The following PDE4D variants were observed in gnomAD, a reference collection of about 807,000 sequenced individuals.
PDE4D encodes the protein 3',5'-cyclic-AMP phosphodiesterase 4D.
In PDE4D, 24 loss-of-function variants were observed where a neutral mutation model predicts 87.4. The ratio of observed to expected loss-of-function variants is 0.27; its 90% CI spans 0.20 to 0.39. The LOEUF (loss-of-function observed/expected upper bound fraction) is 0.39, where lower values mean the gene tolerates loss of function less well. Ranked by LOEUF, PDE4D falls within the 10% of genes least tolerant of loss-of-function variation. The pLI, the probability that PDE4D is intolerant of heterozygous loss-of-function variation, is 1.00. For synonymous variants in PDE4D, 384 were observed against 383.2 expected, an observed-to-expected ratio of 1.00 and a Z score of -0.02; for missense variants, 714 against 1,041.0, an observed-to-expected ratio of 0.69 and a Z score of 4.32.
intron 1 of PDE4D, among the ~76,000 whole-genome samples, chr5:59,425,584 C>G (rs1041317897): frequency 3.9e-5 from 6 of 152,080 alleles, no homozygotes; most frequent in African/African-American, 9.7e-5. Context: ...CTCCACTCCT[C>G]TTGATAAAAG....
chr5:60,123,218 G>A (rs1271541805), intron 2 of PDE4D, among the ~76,000 whole-genome samples: 1 of 152,072 alleles, frequency 6.6e-6, no homozygotes, highest in Non-Finnish European at 1.5e-5. Flanking sequence ...TCTGCCTGTT[G>A]GGCAATTCCA....
rs183000802 is a variant in PDE4D, at chr5:59,172,106, A to T, written c.808+8489T>A. Among the ~76,000 whole-genome samples, 75 of 60,032 alleles carry T rather than the reference A, an allele frequency of 1.2e-3. 5 individuals are homozygous for T. The highest frequency in any genetic ancestry group is 6.4e-3 in the African/African-American group (68 of 10,584). The allele number at this position is 60,032 out of a possible 152,430, so 39.4% of individuals were successfully genotyped here. On this transcript the variant is annotated intron_variant, in intron 5 of 14. Coordinates refer to ENST00000340635, the MANE Select transcript of PDE4D (RefSeq NM_001104631.2). ...TATATATATAATAAATATATATTATATATATAATAAATATATATTATATAT... is the reference window on the plus strand; with the variant it reads ...TATATATATAATAAATATATATTATTTATATAATAAATATATATTATATAT...
Position 59,817,749 on chromosome 5 carries a change from C to A in PDE4D, c.455+75419G>T, listed in dbSNP as rs1364676011. On this transcript the variant is annotated intron_variant, in intron 1 of 14. Transcript: ENST00000340635. ...GCGCGCGCACACACCCACACCCCCC[C>A]CCACACACACACAGAAAGGCCATGT... Among the ~76,000 whole-genome samples, 4 of 150,906 alleles carry A rather than the reference C, an allele frequency of 2.7e-5. No homozygotes were observed. In the South Asian group the frequency reaches 6.3e-4, roughly 24 times the overall value.
At chr5:60,374,425 G>A (rs1286385540) in intron 1 of PDE4D, among the ~76,000 whole-genome samples, 1 of 152,142 alleles carries the variant, frequency 6.6e-6, no homozygotes, top group Non-Finnish European at 1.5e-5. Context: ...AAATACTGAG[G>A]AGCATATCAA....
At chr5:59,640,309 C>T (rs983466071) in intron 1 of PDE4D, among the ~76,000 whole-genome samples, 1 of 152,112 alleles carries the variant, frequency 6.6e-6, no homozygotes, top group Non-Finnish European at 1.5e-5. Context: ...AAACTTGAGC[C>T]CTGGCTTTCA....
chr5:60,077,852 G>C lies in PDE4D; in HGVS notation c.43-89135C>G, dbSNP rs568931618. Among the ~76,000 whole-genome samples, 18 of 152,250 alleles carry C rather than the reference G, an allele frequency of 1.2e-4. No individual in the cohort carries two copies. The South Asian group carries it at 3.7e-3, about 32-fold the overall frequency. Reference sequence around the variant, plus strand: ...GATTCCAGAGATCCATGCGAGAGTGGATCGCTCCTGGCCTGTTCAATTCAC... The same window carrying C: ...GATTCCAGAGATCCATGCGAGAGTGCATCGCTCCTGGCCTGTTCAATTCAC... On this transcript the variant is annotated intron_variant, in intron 2 of 16. Transcript: ENST00000502484.
chr5:59,147,193 T>G (rs1778794959), intron 5 of PDE4D, among the ~76,000 whole-genome samples: 1 of 152,214 alleles, frequency 6.6e-6, no homozygotes, highest in African/African-American at 2.4e-5. Flanking sequence ...GGACCACTGC[T>G]GTATAGCTAC....
intron 1 of PDE4D, among the ~76,000 whole-genome samples, chr5:59,471,787 G>T (rs973821618): frequency 6.6e-6 from 1 of 152,272 alleles, no homozygotes; most frequent in Non-Finnish European, 1.5e-5. Flanking sequence ...ATAGAGTGTT[G>T]TCTTTTTGTT....
chr5:59,401,953 G>A (rs536509156), intron 1 of PDE4D, among the ~76,000 whole-genome samples: 2 of 152,296 alleles, frequency 1.3e-5, no homozygotes, highest in South Asian at 4.1e-4. Context: ...AAACTGAGGT[G>A]CCCTCACAAC....
chr5:59,875,932 G>A (rs1468672438), intron 1 of PDE4D, among the ~76,000 whole-genome samples: 1 of 152,112 alleles, frequency 6.6e-6, no homozygotes, highest in Non-Finnish European at 1.5e-5. Flanking sequence ...GCACATAGAG[G>A]GGAATGGCAC....
chr5:59,546,466 C>G (rs796182227), intron 1 of PDE4D, among the ~76,000 whole-genome samples: 2 of 151,774 alleles, frequency 1.3e-5, no homozygotes, highest in South Asian at 4.2e-4. Flanking sequence ...TCTAATCTCA[C>G]GAAAAATATG....
intron 1 of PDE4D, among the ~76,000 whole-genome samples, chr5:59,795,760 A>G (rs1181882364): frequency 1.3e-5 from 2 of 152,224 alleles, no homozygotes; most frequent in East Asian, 3.9e-4. Flanking sequence ...CCCTGCAAAA[A>G]TAGGCTGAAG....
intron 4 of PDE4D, among the ~76,000 whole-genome samples, chr5:59,183,206 C>A (rs1296438142): frequency 6.6e-6 from 1 of 152,158 alleles, no homozygotes; most frequent in Non-Finnish European, 1.5e-5. Flanking sequence ...AATGGAGGCA[C>A]AAATTTGCAT....
At chr5:59,563,704 G>C (rs917188470) in intron 1 of PDE4D, among the ~76,000 whole-genome samples, 1 of 152,208 alleles carries the variant, frequency 6.6e-6, no homozygotes, top group Non-Finnish European at 1.5e-5. Flanking sequence ...AGGAGAGCCA[G>C]AATATAAACC....
rs772674341 is a variant in PDE4D, at chr5:59,038,958, C to T, written c.822G>A (p.Gln274=). The change falls in exon 6 of 15, where the codon CAG becomes CAA. Residue 274 remains glutamine, a synonymous_variant. Transcript: ENST00000340635. ...CCTCCAGGGTCTCGCTGGCCAGTTT[C>T]TGGTAGGCCTCCTCTGCGAAGAGAC... is the stretch of plus-strand genomic sequence containing the variant. ...NKATITEEAY[Q]KLASETLEEL... is the part of the protein sequence containing the mutation. The T allele has an allele frequency of 6.3e-7, 1 of 1,588,444 alleles. No homozygotes were observed.
intron 6 of PDE4D, among the ~76,000 whole-genome samples, chr5:59,000,469 A>G (rs1489422560): frequency 6.6e-6 from 1 of 152,174 alleles, no homozygotes; most frequent in African/African-American, 2.4e-5. Flanking sequence ...GATGGCACAG[A>G]TGGCAATGAC....
intron 5 of PDE4D, among the ~76,000 whole-genome samples, chr5:59,160,630 C>A (rs1211328045): frequency 1.3e-5 from 2 of 152,126 alleles, no homozygotes; most frequent in African/African-American, 4.8e-5. Flanking sequence ...AGGTGTGAGG[C>A]ACCACGCCTG....
At chr5:60,255,006 C>T in intron 1 of PDE4D, among the ~76,000 whole-genome samples, 1 of 151,848 alleles carries the variant, frequency 6.6e-6, no homozygotes, top group Non-Finnish European at 1.5e-5. Flanking sequence ...GGCTTAAATA[C>T]TTCATAAAGA....
intron 1 of PDE4D, among the ~76,000 whole-genome samples, chr5:60,333,382 T>C (rs186368469): frequency 2.4e-4 from 36 of 152,314 alleles, no homozygotes; most frequent in Admixed American, 4.6e-4. Flanking sequence ...CTGTGGCCTG[T>C]TCACACTGCA....
Sources: gnomAD v4.1 joint callset for allele counts (sites outside exome capture counted in the v4.1 genomes callset) on GRCh38, gnomAD v4.1.1 for gene constraint, MANE v1.5 for transcripts, NCBI Gene and HGNC (gene_info 2026-07-23, HGNC 2026-07-21) for gene names.